The following ARFGEF2 variants were observed in gnomAD, a reference collection of about 807,000 sequenced individuals.
The protein encoded by ARFGEF2 is brefeldin A-inhibited guanine nucleotide-exchange protein 2.
ARFGEF2 carries 74 observed loss-of-function variants against 219.9 expected under a neutral mutation model. That is an observed-to-expected ratio of 0.34 (90% CI 0.28 to 0.41). The LOEUF is 0.41. Among genes scored for constraint, ARFGEF2 ranks in the 10% least tolerant of loss-of-function variants. ARFGEF2 has a pLI of 1.00. For missense variants in ARFGEF2, 1,743 were observed against 2,218.3 expected, an observed-to-expected ratio of 0.79 and a Z score of 4.30; for synonymous variants, 733 against 799.2, an observed-to-expected ratio of 0.92 and a Z score of 1.40.
intron 1 of ARFGEF2, among the ~76,000 whole-genome samples, chr20:48,934,624 G>C (rs2090935348): frequency 6.6e-6 from 1 of 152,164 alleles, no homozygotes; most frequent in Non-Finnish European, 1.5e-5. Flanking sequence ...CTGTTCCTAT[G>C]TTAGTTTGCT....
In ARFGEF2 at chr20:49,033,521, C is replaced by T; in HGVS notation, c.*322C>T. The T allele has an allele frequency of 3.1e-6, 1 of 324,040 alleles. No homozygotes were observed. The highest frequency in any genetic ancestry group is 5.9e-6 in the Non-Finnish European group (1 of 168,708). The allele number at this position is 324,040 out of a possible 1,614,324, so 20.1% of individuals were successfully genotyped here. A position where few individuals can be genotyped will look rare whatever the true frequency, so the allele number is the denominator to read the frequency against. ...GCAAAATCCCATGATTGGCTATAAA[C>T]GTTTTGTAAGAAGTCACTCTCCTTG... On this transcript the variant is annotated 3_prime_UTR_variant, in exon 39 of 39. Coordinates refer to ENST00000371917, the MANE Select transcript of ARFGEF2 (RefSeq NM_006420.3).
At chr20:49,006,518 A>G (rs888522313) in intron 26 of ARFGEF2, among the ~76,000 whole-genome samples, 2 of 152,206 alleles carry the variant, frequency 1.3e-5, no homozygotes, top group Non-Finnish European at 2.9e-5. Flanking sequence ...AGGACATTAT[A>G]TATATCAAGG....
chr20:48,975,030 C>G (rs2091252564), intron 13 of ARFGEF2, among the ~76,000 whole-genome samples, 156 bp downstream of exon 13: 1 of 152,166 alleles, frequency 6.6e-6, no homozygotes, highest in Non-Finnish European at 1.5e-5. Context: ...TTTATTGCAT[C>G]TGGAGTTGTG....
In ARFGEF2 at chr20:49,004,091, G is replaced by T. The variant is rs373369823; in HGVS notation, c.3433-979G>T. Among the ~76,000 whole-genome samples, 71 of 152,246 alleles carry T rather than the reference G, an allele frequency of 4.7e-4. 1 individual carries two copies. In the South Asian group the frequency reaches 0.014, roughly 31 times the overall value. ...AGATGAAAAGAGTTCTCTGCCGGGC[G>T]TGGTGGCTTACTCCTGTAATCGCAG... On this transcript the variant is annotated intron_variant, in intron 25 of 38. Coordinates refer to ENST00000371917, the MANE Select transcript of ARFGEF2 (RefSeq NM_006420.3).
intron 25 of ARFGEF2, among the ~76,000 whole-genome samples, chr20:48,998,992 C>T (rs1419403228): frequency 6.6e-6 from 1 of 152,154 alleles, no homozygotes; most frequent in Non-Finnish European, 1.5e-5. Context: ...AATCCCAGCA[C>T]TTCGAGAGGC....
intron 4 of ARFGEF2, among the ~76,000 whole-genome samples, chr20:48,951,810 CTG>C: frequency 6.6e-6 from 1 of 152,318 alleles, no homozygotes; most frequent in Non-Finnish European, 1.5e-5. Flanking sequence ...TGACTTGCCT[CTG>C]TCCTACTTCC....
chr20:49,002,230 CTG>C (rs1381365421), intron 25 of ARFGEF2, among the ~76,000 whole-genome samples: 78 of 152,202 alleles, frequency 5.1e-4, no homozygotes, highest in African/African-American at 1.7e-3. Context: ...GAGCAAAGCT[CTG>C]TCTCAAAAAT....
chr20:48,986,114 T>C (rs1233399071), intron 16 of ARFGEF2, among the ~76,000 whole-genome samples: 1 of 152,078 alleles, frequency 6.6e-6, no homozygotes, highest in East Asian at 1.9e-4. Flanking sequence ...TTGTAAGAAG[T>C]GGAAATAGGA....
intron 26 of ARFGEF2, among the ~76,000 whole-genome samples, chr20:49,006,698 C>T (rs572897645): frequency 6.6e-6 from 1 of 152,232 alleles, no homozygotes; most frequent in East Asian, 1.9e-4. Flanking sequence ...GCAAAAGGCC[C>T]GTAGCAGGTA....
At chr20:48,940,026 A>G (rs2090984082) in intron 1 of ARFGEF2, among the ~76,000 whole-genome samples, 1 of 152,230 alleles carries the variant, frequency 6.6e-6, no homozygotes, top group African/African-American at 2.4e-5. Context: ...TGGGTCTAAC[A>G]TGTAGAAATA....
At chr20:49,009,078 A>G (rs1290127250) in intron 26 of ARFGEF2, among the ~76,000 whole-genome samples, 2 of 152,148 alleles carry the variant, frequency 1.3e-5, no homozygotes, top group Non-Finnish European at 2.9e-5. Flanking sequence ...TCTTTTAACA[A>G]TCAGGCAAAA....
At chr20:48,982,297 G>A (rs2091300811) in intron 14 of ARFGEF2, among the ~76,000 whole-genome samples, 1 of 152,182 alleles carries the variant, frequency 6.6e-6, no homozygotes, top group South Asian at 2.1e-4. Flanking sequence ...CTGTTTGCCT[G>A]GGTATCACCA....
At chr20:48,995,227 A>G (rs1236509599) in intron 22 of ARFGEF2, among the ~76,000 whole-genome samples, 3 of 152,234 alleles carry the variant, frequency 2.0e-5, no homozygotes, top group Non-Finnish European at 1.5e-5. Context: ...GAGCAGCATC[A>G]TACTGCAAAG....
At chr20:48,972,946 C>T (rs1284628664) in intron 11 of ARFGEF2, among the ~76,000 whole-genome samples, 199 bp from the exon 12 acceptor site, 1 of 152,164 alleles carries the variant, frequency 6.6e-6, no homozygotes, top group Non-Finnish European at 1.5e-5. Context: ...CCTGAGATTT[C>T]AATTTGCTCA....
chr20:48,950,967 C>T (rs533581924), intron 3 of ARFGEF2, among the ~76,000 whole-genome samples: 9 of 151,378 alleles, frequency 5.9e-5, no homozygotes, highest in East Asian at 1.9e-4. Flanking sequence ...TTATCATTGA[C>T]GATCACTCCC....
At chr20:48,928,242 A>G (rs1411729750) in intron 1 of ARFGEF2, among the ~76,000 whole-genome samples, 1 of 116,820 alleles carries the variant, frequency 8.6e-6, no homozygotes, top group Non-Finnish European at 1.6e-5. Context: ...TCTGTCGCCC[A>G]GGCTGGAGTG....
At chr20:48,997,100 T>G (rs2123478883) in intron 23 of ARFGEF2, among the ~76,000 whole-genome samples, 1 of 152,276 alleles carries the variant, frequency 6.6e-6, no homozygotes, top group East Asian at 1.9e-4. Context: ...AATTCTATCC[T>G]TTTTCAACTC....
At chr20:48,941,265 C>A in intron 2 of ARFGEF2, 36 bp downstream of exon 2, 1 of 1,607,662 alleles carries the variant, frequency 6.2e-7, no homozygotes, top group East Asian at 2.2e-5. Flanking sequence ...TGAGATACGG[C>A]ATGAAGGGAG....
At chr20:49,016,554 T>C (rs1330808271) in intron 31 of ARFGEF2, 139 bp downstream of exon 31, 7 of 1,000,366 alleles carry the variant, frequency 7.0e-6, no homozygotes, top group Non-Finnish European at 1.0e-5. Context: ...ACGTTTTAAT[T>C]ACAGTATAAA....
Sources: gnomAD v4.1 joint callset for allele counts (sites outside exome capture counted in the v4.1 genomes callset) on GRCh38, gnomAD v4.1.1 for gene constraint, MANE v1.5 for transcripts, NCBI Gene and HGNC (gene_info 2026-07-23, HGNC 2026-07-21) for gene names.